The following KIAA1217 variants were observed in gnomAD, a reference collection of about 807,000 sequenced individuals.
KIAA1217 encodes the protein KIAA1217.
Under a neutral mutation model 163.9 loss-of-function variants are expected in KIAA1217, and 88 were observed. The ratio of observed to expected loss-of-function variants is 0.54; its 90% CI spans 0.45 to 0.64. The LOEUF is 0.64. Among genes scored for constraint, KIAA1217 ranks in the 30% least tolerant of loss-of-function variants. The pLI, the probability that KIAA1217 is intolerant of heterozygous loss-of-function variation, is 0.00. For synonymous variants in KIAA1217, 903 were observed against 923.1 expected, an observed-to-expected ratio of 0.98 and a Z score of 0.39; for missense variants, 2,372 against 2,475.0, an observed-to-expected ratio of 0.96 and a Z score of 0.88.
intron 2 of KIAA1217, among the ~76,000 whole-genome samples, chr10:24,023,098 T>C (rs1847803584): frequency 6.6e-6 from 1 of 151,648 alleles, no homozygotes; most frequent in Admixed American, 6.6e-5. Context: ...ATAAGAAGCA[T>C]AAGGATTAGA....
At chr10:23,852,363 C>T (rs1839394003) in intron 1 of KIAA1217, among the ~76,000 whole-genome samples, 1 of 152,096 alleles carries the variant, frequency 6.6e-6, no homozygotes. Flanking sequence ...TGTTCTGTTC[C>T]ATTGATCTAT....
intron 1 of KIAA1217, among the ~76,000 whole-genome samples, chr10:23,759,030 A>G (rs953663743): frequency 6.6e-6 from 1 of 152,144 alleles, no homozygotes; most frequent in Admixed American, 6.5e-5. Flanking sequence ...TGACGTCTTA[A>G]TAGGTTTTTC....
intron 2 of KIAA1217, among the ~76,000 whole-genome samples, chr10:24,364,371 T>C (rs1049112949): frequency 2.6e-5 from 4 of 152,220 alleles, no homozygotes; most frequent in Admixed American, 2.6e-4. Flanking sequence ...AGCAGGTATA[T>C]GTGAGAGGCC....
chr10:24,301,195 C>G (rs2041284298), intron 2 of KIAA1217, among the ~76,000 whole-genome samples: 1 of 152,122 alleles, frequency 6.6e-6, no homozygotes, highest in Non-Finnish European at 1.5e-5. Flanking sequence ...TAAGTGCCCC[C>G]CTGCTCTCAC....
At chr10:23,761,976 C>T (rs973484040) in intron 1 of KIAA1217, among the ~76,000 whole-genome samples, 1 of 152,114 alleles carries the variant, frequency 6.6e-6, no homozygotes, top group Admixed American at 6.6e-5. Context: ...CTATTAACAC[C>T]TCTATACAAA....
chr10:24,380,553 A>G (rs1363085198), intron 2 of KIAA1217, among the ~76,000 whole-genome samples: 1 of 152,056 alleles, frequency 6.6e-6, no homozygotes, highest in East Asian at 1.9e-4. Flanking sequence ...GAGGCACAAG[A>G]ATTGCTTGAA....
At chr10:23,936,678 C>T (rs909287054) in intron 1 of KIAA1217, among the ~76,000 whole-genome samples, 4 of 152,092 alleles carry the variant, frequency 2.6e-5, no homozygotes, top group Non-Finnish European at 4.4e-5. Flanking sequence ...AAGGATTCTT[C>T]CCTGGAGCTT....
In KIAA1217 at chr10:23,875,326, A is replaced by G. The variant is rs952514267; in HGVS notation, c.-320-131899A>G. 7.9e-5 allele frequency among the ~76,000 whole-genome samples: 12 copies of G among 152,188 alleles called. 1 individual carries two copies. Among genetic ancestry groups the G allele is most frequent in the Admixed American group, 7.2e-4 (11 of 15,278 alleles). On this transcript the variant is annotated intron_variant, in intron 1 of 18. Transcript: ENST00000376462. ...GACTCTGATAGGAGGCAGGTAACTA[A>G]TAACAGAAAAGATATTGCATTGGGA...
intron 1 of KIAA1217, among the ~76,000 whole-genome samples, chr10:23,734,447 T>C (rs535572646): frequency 1.3e-5 from 2 of 152,016 alleles, no homozygotes; most frequent in South Asian, 4.2e-4. Flanking sequence ...CCACAACGCC[T>C]GGCTAATTTT....
At chr10:23,861,857 TG>T (rs1352035848) in intron 1 of KIAA1217, among the ~76,000 whole-genome samples, 7 of 152,204 alleles carry the variant, frequency 4.6e-5, no homozygotes, top group African/African-American at 1.7e-4. Context: ...TTCCTCCTTG[TG>T]AGCCTCAGAG....
chr10:23,866,215 G>A (rs1426389814), intron 1 of KIAA1217, among the ~76,000 whole-genome samples: 3 of 152,074 alleles, frequency 2.0e-5, no homozygotes, highest in Non-Finnish European at 4.4e-5. Context: ...GGGAGATATT[G>A]CTGTGCTTAT....
chr10:23,901,950 A>C (rs933670149), intron 1 of KIAA1217, among the ~76,000 whole-genome samples: 8 of 151,846 alleles, frequency 5.3e-5, no homozygotes, highest in Non-Finnish European at 5.9e-5. Flanking sequence ...AAAGAAAAGA[A>C]ATATTTAAAA....
At chr10:23,886,287 A>C (rs1353690004) in intron 1 of KIAA1217, among the ~76,000 whole-genome samples, 1 of 151,944 alleles carries the variant, frequency 6.6e-6, no homozygotes, top group Non-Finnish European at 1.5e-5. Flanking sequence ...ATCAGAAAAC[A>C]ATATTATTCT....
intron 1 of KIAA1217, among the ~76,000 whole-genome samples, chr10:23,795,705 C>T (rs1262660235): frequency 6.6e-6 from 1 of 152,172 alleles, no homozygotes; most frequent in Non-Finnish European, 1.5e-5. Flanking sequence ...GCATGACTCT[C>T]TTCGGGCCCA....
rs1336639111 is a variant in KIAA1217, at chr10:24,405,032, T to C, written c.553+23965T>C. ...GGGGTAGCACTTGGGGGCCTAGTTA[T>C]GATGGTACAATTATCTTAATTGTGT... On this transcript the variant is annotated intron_variant, in intron 3 of 20. Transcript: ENST00000376454. Among the ~76,000 whole-genome samples, 3 of 152,184 alleles carry C rather than the reference T, an allele frequency of 2.0e-5. No homozygotes were observed. The East Asian group carries it at 5.8e-4, about 29-fold the overall frequency.
At chr10:24,399,599 C>CT (rs778860369) in intron 3 of KIAA1217, among the ~76,000 whole-genome samples, 16 of 152,152 alleles carry the variant, frequency 1.1e-4, no homozygotes, top group Non-Finnish European at 1.9e-4. Context: ...TTGCACTGTT[C>CT]TTTTCAATTC....
intron 1 of KIAA1217, among the ~76,000 whole-genome samples, chr10:23,752,319 A>C (rs951154284): frequency 2.6e-5 from 4 of 152,140 alleles, no homozygotes; most frequent in African/African-American, 9.7e-5. Context: ...AGACATTTAC[A>C]TTTTATTGAC....
chr10:23,983,090 T>G lies in KIAA1217; in HGVS notation c.-320-24135T>G, dbSNP rs146840499. On this transcript the variant is annotated intron_variant, in intron 1 of 18. Transcript: ENST00000376462. The stretch of plus-strand genomic sequence containing the variant: ...TGTTCTATGCATGGCAGATCAGAGG[T>G]GTGCAAGAAGAACAAGCAGAAACAG... Among the ~76,000 whole-genome samples the G allele has an allele frequency of 6.1e-3, 919 of 151,638 alleles. 15 individuals carry two copies. Among genetic ancestry groups the G allele is most frequent in the African/African-American group, 0.021 (881 of 41,330 alleles).
At chr10:24,417,008 C>T (rs1354260056) in intron 3 of KIAA1217, among the ~76,000 whole-genome samples, 2 of 152,110 alleles carry the variant, frequency 1.3e-5, no homozygotes, top group Non-Finnish European at 2.9e-5. Flanking sequence ...TCAAGTCAGT[C>T]ACAAGGATTT....
Sources: allele counts gnomAD v4.1 joint callset (sites outside exome capture counted in the v4.1 genomes callset), GRCh38; gene constraint gnomAD v4.1.1; transcripts MANE v1.5; gene names NCBI Gene and HGNC (gene_info 2026-07-23, HGNC 2026-07-21).